The following CSMD1 variants were observed in gnomAD, a reference collection of about 807,000 sequenced individuals.
The protein encoded by CSMD1 is CUB and Sushi multiple domains 1.
A neutral mutation model predicts 417.5 loss-of-function variants in CSMD1; 213 were observed. The ratio of observed to expected loss-of-function variants is 0.51; its 90% confidence interval spans 0.46 to 0.57. The LOEUF is 0.57. Ranked by LOEUF, CSMD1 falls within the 20% of genes least tolerant of loss-of-function variation. The probability of loss-of-function intolerance (pLI) is 0.00; values close to 1 mark genes in which losing one functional copy is unlikely to be tolerated. For synonymous variants in CSMD1, 2,862 were observed against 1,736.8 expected, an observed-to-expected ratio of 1.65 and a Z score of -16.11; for missense variants, 6,923 against 4,529.7, an observed-to-expected ratio of 1.53 and a Z score of -15.17.
chr8:4,817,839 T>C (rs964624180), intron 1 of CSMD1, among the ~76,000 whole-genome samples: 4 of 152,164 alleles, frequency 2.6e-5, no homozygotes, highest in Non-Finnish European at 5.9e-5. Flanking sequence ...ACAGGATCAT[T>C]TGGTGAAAAT....
At chr8:4,623,566 G>A (rs1181268613) in intron 2 of CSMD1, among the ~76,000 whole-genome samples, 3 of 151,972 alleles carry the variant, frequency 2.0e-5, no homozygotes, top group Non-Finnish European at 4.4e-5. Context: ...GCTAAAAACA[G>A]GGGGGTGAGG....
Position 4,204,286 on chromosome 8 carries a change from G to T in CSMD1, c.416-172187C>A, listed in dbSNP as rs148771266. Among the ~76,000 whole-genome samples, 1,287 of 150,880 alleles carry T rather than the reference G, an allele frequency of 8.5e-3. 13 individuals carry two copies. The highest frequency in any genetic ancestry group is 0.029 in the African/African-American group (1,194 of 41,228). On this transcript the variant is annotated intron_variant, in intron 3 of 69. Transcript: ENST00000635120. ...TAGGAAAAAAAAAAAACCTCAATTTGGAAGTTTTTGGTTTTCTTTCTCAGA... is the reference window on the plus strand; with the variant it reads ...TAGGAAAAAAAAAAAACCTCAATTTTGAAGTTTTTGGTTTTCTTTCTCAGA...
At chr8:3,865,966 G>GA (rs2129108360) in intron 5 of CSMD1, among the ~76,000 whole-genome samples, 1 of 152,190 alleles carries the variant, frequency 6.6e-6, no homozygotes, top group South Asian at 2.1e-4. Flanking sequence ...TTAAAATAAT[G>GA]AAAAGTGAAA....
chr8:4,903,885 C>A (rs116530158), intron 1 of CSMD1, among the ~76,000 whole-genome samples: 1 of 152,174 alleles, frequency 6.6e-6, no homozygotes, highest in Admixed American at 6.5e-5. Flanking sequence ...ATGCCTTCAA[C>A]GCCGATAATG....
chr8:3,937,081 C>T (rs1025334812), intron 5 of CSMD1, among the ~76,000 whole-genome samples: 14 of 152,146 alleles, frequency 9.2e-5, no homozygotes, highest in African/African-American at 3.4e-4. Flanking sequence ...AGAAGTAGAA[C>T]TGAATTGCTG....
At chr8:4,526,732 A>G (rs1796531008) in intron 2 of CSMD1, among the ~76,000 whole-genome samples, 1 of 152,204 alleles carries the variant, frequency 6.6e-6, no homozygotes, top group Non-Finnish European at 1.5e-5. Flanking sequence ...TTGCTTTCAT[A>G]TTTGATAAAT....
chr8:4,828,540 T>G (rs1260406638), intron 1 of CSMD1, among the ~76,000 whole-genome samples: 1 of 152,166 alleles, frequency 6.6e-6, no homozygotes, highest in Non-Finnish European at 1.5e-5. Flanking sequence ...TGAGCCATCC[T>G]GTGCCTTCCT....
intron 30 of CSMD1, among the ~76,000 whole-genome samples, chr8:3,208,873 C>A (rs947690571): frequency 6.6e-6 from 1 of 152,254 alleles, no homozygotes; most frequent in South Asian, 2.1e-4. Flanking sequence ...TTTTGGGACT[C>A]GGAATGGCTC....
intron 3 of CSMD1, among the ~76,000 whole-genome samples, chr8:4,360,042 C>T (rs1334367866): frequency 6.6e-6 from 1 of 152,190 alleles, no homozygotes; most frequent in Non-Finnish European, 1.5e-5. Flanking sequence ...CCCATCTGAG[C>T]ATACAGTTCC....
intron 1 of CSMD1, among the ~76,000 whole-genome samples, chr8:4,666,423 G>T (rs1454450034): frequency 1.3e-5 from 2 of 152,146 alleles, no homozygotes; most frequent in South Asian, 2.1e-4. Flanking sequence ...CTGGTTTGAA[G>T]AGGAAACAGC....
At chr8:3,512,894 T>C (rs1317944963) in intron 10 of CSMD1, among the ~76,000 whole-genome samples, 1 of 152,042 alleles carries the variant, frequency 6.6e-6, no homozygotes. Context: ...CTGCACTTGG[T>C]CTTTTTAAGG....
At chr8:4,068,413 T>G (rs1799371397) in intron 3 of CSMD1, among the ~76,000 whole-genome samples, 1 of 152,134 alleles carries the variant, frequency 6.6e-6, no homozygotes, top group Non-Finnish European at 1.5e-5. Flanking sequence ...GGGAGAGACA[T>G]GAAAAGCACG....
chr8:3,675,178 T>C (rs908699544), intron 7 of CSMD1, among the ~76,000 whole-genome samples: 6 of 152,162 alleles, frequency 3.9e-5, no homozygotes, highest in South Asian at 2.1e-4. Flanking sequence ...TCCCCACTAG[T>C]GGCTCCTTTT....
At chr8:4,584,432 G>T (rs780858484) in intron 2 of CSMD1, among the ~76,000 whole-genome samples, 2 of 152,066 alleles carry the variant, frequency 1.3e-5, no homozygotes, top group Non-Finnish European at 2.9e-5. Context: ...CCGGGCACCT[G>T]TCGGCCAGTT....
chr8:3,720,656 C>CACAA (rs375521002), intron 6 of CSMD1, among the ~76,000 whole-genome samples: 2 of 151,210 alleles, frequency 1.3e-5, no homozygotes, highest in African/African-American at 4.9e-5. Flanking sequence ...CACACACACA[C>CACAA]CAGCACATTT....
intron 1 of CSMD1, among the ~76,000 whole-genome samples, chr8:4,966,591 T>C (rs56699784): frequency 6.6e-6 from 1 of 152,180 alleles, no homozygotes; most frequent in East Asian, 1.9e-4. Flanking sequence ...CTAAATACAT[T>C]TGTGATTGAG....
At chr8:4,929,421 G>A (rs181856590) in intron 1 of CSMD1, among the ~76,000 whole-genome samples, 3 of 152,266 alleles carry the variant, frequency 2.0e-5, no homozygotes, top group East Asian at 3.9e-4. Flanking sequence ...CAAGAAATAG[G>A]CATTTCTATT....
intron 2 of CSMD1, among the ~76,000 whole-genome samples, chr8:4,578,536 G>A (rs1485295118): frequency 6.6e-6 from 1 of 151,028 alleles, no homozygotes; most frequent in Non-Finnish European, 1.5e-5. Flanking sequence ...CCTATCTTTG[G>A]CTGGGTGCAA....
chr8:4,486,503 G>A (rs1801424858), intron 2 of CSMD1, among the ~76,000 whole-genome samples: 2 of 151,534 alleles, frequency 1.3e-5, no homozygotes, highest in South Asian at 4.2e-4. Context: ...AAAAATTAGT[G>A]ATGTTTATAT....
Sources: allele counts gnomAD v4.1 joint callset (sites outside exome capture counted in the v4.1 genomes callset), GRCh38; gene constraint gnomAD v4.1.1; transcripts MANE v1.5; gene names NCBI Gene and HGNC (gene_info 2026-07-23, HGNC 2026-07-21).